MBD5: variants seen among roughly 807,000 people sequenced by gnomAD.
The protein encoded by MBD5 is methyl-CpG-binding domain protein 5.
In MBD5, 13 loss-of-function variants were observed where a neutral mutation model predicts 117.3. That is an observed-to-expected ratio of 0.11 (90% confidence interval 0.07 to 0.18). The LOEUF (loss-of-function observed/expected upper bound fraction) is 0.18, where lower values mean the gene tolerates loss of function less well. MBD5 is among the 10% of genes least tolerant of loss of function. MBD5 has a pLI of 1.00. For missense variants in MBD5, 1,879 were observed against 2,093.8 expected (o/e 0.90, Z 2.00); for synonymous variants, 727 against 766.4 (o/e 0.95, Z 0.85).
At chr2:148,436,465 T>G (rs933551189) in intron 4 of MBD5, among the ~76,000 whole-genome samples, 2 of 151,990 alleles carry the variant, frequency 1.3e-5, no homozygotes, top group East Asian at 3.9e-4. Flanking sequence ...CTCCGCCTCC[T>G]GGGTTCAAGT....
chr2:148,128,933 T>C (rs532531283), intron 1 of MBD5, among the ~76,000 whole-genome samples: 2 of 152,326 alleles, frequency 1.3e-5, no homozygotes, highest in Admixed American at 1.3e-4. Context: ...GGCATCTGAT[T>C]GAATGTTTCT....
At chr2:148,467,784 A>G (rs1001634236) in intron 7 of MBD5, among the ~76,000 whole-genome samples, 1 of 152,296 alleles carries the variant, frequency 6.6e-6, no homozygotes, top group South Asian at 2.1e-4. Context: ...ATAAGGAAAT[A>G]TTACGGTATC....
intron 3 of MBD5, among the ~76,000 whole-genome samples, chr2:148,337,742 G>A (rs1043965298): frequency 3.9e-5 from 6 of 152,076 alleles, no homozygotes; most frequent in African/African-American, 1.2e-4. Context: ...TCTTGCTAAT[G>A]TCCAGATCTC....
In MBD5 at chr2:148,077,498, A is replaced by G. The variant is rs1437666655; in HGVS notation, c.-925+55814A>G. Among the ~76,000 whole-genome samples, 3 of 152,246 alleles carry G rather than the reference A, an allele frequency of 2.0e-5. No homozygotes were observed. The East Asian group carries it at 5.8e-4, about 29-fold the overall frequency. On this transcript the variant is annotated intron_variant, in intron 1 of 13. Coordinates refer to ENST00000642680, the MANE Select transcript of MBD5 (RefSeq NM_001378120.1). The stretch of plus-strand genomic sequence containing the variant: ...AATCAAAGTCAGAGAATGGAAGTAC[A>G]TAGAAGTAGATTTTTATCTTCTCTA...
At chr2:148,247,044 T>C (rs1574189634) in intron 3 of MBD5, among the ~76,000 whole-genome samples, 1 of 152,276 alleles carries the variant, frequency 6.6e-6, no homozygotes, top group East Asian at 1.9e-4. Context: ...ATAGTTATAA[T>C]TACATTTCCT....
chr2:148,143,129 G>GT (rs1285147944), intron 1 of MBD5, among the ~76,000 whole-genome samples: 1 of 152,206 alleles, frequency 6.6e-6, no homozygotes, highest in East Asian at 1.9e-4. Flanking sequence ...TAGAAGCACA[G>GT]TAAGTCCCCA....
chr2:148,071,828 A>G (rs974767651), intron 1 of MBD5: 1 of 152,220 alleles, frequency 6.6e-6, no homozygotes, highest in East Asian at 1.9e-4. Context: ...TAAGTTGAAA[A>G]TAGAATAAGA....
At chr2:148,354,293 G>A (rs887970261) in intron 4 of MBD5, among the ~76,000 whole-genome samples, 1 of 151,672 alleles carries the variant, frequency 6.6e-6, no homozygotes, top group Non-Finnish European at 1.5e-5. Context: ...AGGCCCCAGT[G>A]TGTGATGTTC....
intron 1 of MBD5, among the ~76,000 whole-genome samples, chr2:148,109,266 C>G (rs902897193): frequency 6.6e-6 from 1 of 152,036 alleles, no homozygotes; most frequent in Non-Finnish European, 1.5e-5. Context: ...GCCTGGGCAA[C>G]AGAGTGAGAC....
intron 4 of MBD5, among the ~76,000 whole-genome samples, chr2:148,408,440 T>C (rs1205021154): frequency 1.3e-5 from 2 of 152,206 alleles, no homozygotes; most frequent in Non-Finnish European, 2.9e-5. Flanking sequence ...GTTGCTGTCA[T>C]GTTTTCATTC....
At chr2:148,183,810 T>G (rs1256405797) in intron 2 of MBD5, among the ~76,000 whole-genome samples, 4 of 152,218 alleles carry the variant, frequency 2.6e-5, no homozygotes, top group Non-Finnish European at 5.9e-5. Flanking sequence ...TCTTGTATGC[T>G]TGGAAATATA....
intron 3 of MBD5, among the ~76,000 whole-genome samples, chr2:148,286,079 A>T (rs1238492641): frequency 6.6e-6 from 1 of 152,174 alleles, no homozygotes; most frequent in East Asian, 1.9e-4. Flanking sequence ...CAATTGAAAG[A>T]ATTTACAGTT....
intron 1 of MBD5, among the ~76,000 whole-genome samples, chr2:148,114,209 C>G (rs1696566862): frequency 6.6e-6 from 1 of 152,190 alleles, no homozygotes; most frequent in South Asian, 2.1e-4. Context: ...GTGGCTCACA[C>G]CTGTAATCCC....
intron 3 of MBD5, among the ~76,000 whole-genome samples, chr2:148,242,150 T>C (rs1306523461): frequency 2.0e-5 from 3 of 152,148 alleles, no homozygotes; most frequent in African/African-American, 7.2e-5. Context: ...GAATATTAAA[T>C]GTGAAAATAT....
At chr2:148,426,273 A>T (rs1285407758) in intron 4 of MBD5, among the ~76,000 whole-genome samples, 40 of 152,304 alleles carry the variant, frequency 2.6e-4, no homozygotes. Context: ...GCTACCAATG[A>T]CTTTCTTCAC....
At chr2:148,319,968 T>C (rs1702245790) in intron 3 of MBD5, among the ~76,000 whole-genome samples, 1 of 152,194 alleles carries the variant, frequency 6.6e-6, no homozygotes, top group Non-Finnish European at 1.5e-5. Flanking sequence ...CATGAAGGGA[T>C]GCTGAATTTT....
intron 3 of MBD5, among the ~76,000 whole-genome samples, chr2:148,322,661 C>T (rs536919116): frequency 8.5e-5 from 13 of 152,174 alleles, no homozygotes; most frequent in African/African-American, 2.9e-4. Context: ...TGCCTTTGCA[C>T]AAAATATTTA....
intron 2 of MBD5, among the ~76,000 whole-genome samples, chr2:148,184,680 A>T (rs950412543): frequency 6.6e-6 from 1 of 152,190 alleles, no homozygotes; most frequent in African/African-American, 2.4e-5. Flanking sequence ...CTTTGAAAAC[A>T]GTTGTGCTTC....
intron 3 of MBD5, among the ~76,000 whole-genome samples, chr2:148,288,598 T>C (rs1252941263): frequency 2.0e-5 from 3 of 151,792 alleles, no homozygotes. Context: ...TATATTATAA[T>C]AGATGCTCCA....
Sources: allele counts gnomAD v4.1 joint callset (sites outside exome capture counted in the v4.1 genomes callset), GRCh38; gene constraint gnomAD v4.1.1; transcripts MANE v1.5; gene names NCBI Gene and HGNC (gene_info 2026-07-23, HGNC 2026-07-21).